PVT1: variants seen among roughly 807,000 people sequenced by gnomAD.
PVT1 encodes Pvt1 oncogene.
At chr8:128,043,318 G>A (rs770936764) in intron 4 of PVT1, among the ~76,000 whole-genome samples, 23 of 152,170 alleles carry the variant, frequency 1.5e-4, no homozygotes, top group East Asian at 5.8e-4. Flanking sequence ...AGGACTTCAC[G>A]TTGCAACTCA....
At chr8:127,892,591 A>T (rs916950283) in intron 3 of PVT1, among the ~76,000 whole-genome samples, 2 of 152,174 alleles carry the variant, frequency 1.3e-5, no homozygotes, top group African/African-American at 4.8e-5. Flanking sequence ...AAGGTTATTT[A>T]TCCAGGAGAA....
intron 3 of PVT1, among the ~76,000 whole-genome samples, chr8:127,943,226 G>A (rs559883670): frequency 1.0e-3 from 152 of 152,212 alleles, no homozygotes; most frequent in African/African-American, 3.3e-3. Context: ...GTAGCCTCCC[G>A]GTAATCTTAA....
intron 3 of PVT1, among the ~76,000 whole-genome samples, chr8:127,977,464 G>A (rs991611618): frequency 6.6e-6 from 1 of 152,188 alleles, no homozygotes; most frequent in Non-Finnish European, 1.5e-5. Flanking sequence ...GGGCATGGTG[G>A]TTCACACCTG....
intron 4 of PVT1, chr8:128,048,320 C>T (rs1173037786): frequency 6.6e-6 from 1 of 152,264 alleles, no homozygotes; most frequent in Non-Finnish European, 1.5e-5. Context: ...CTACCTGCTA[C>T]TCCTTGAGCA....
chr8:127,905,586 C>T (rs2129833405), intron 3 of PVT1, among the ~76,000 whole-genome samples: 1 of 152,294 alleles, frequency 6.6e-6, no homozygotes, highest in African/African-American at 2.4e-5. Flanking sequence ...GTTTGTTGAG[C>T]ACCTACTATG....
intron 3 of PVT1, among the ~76,000 whole-genome samples, chr8:127,904,647 G>T (rs926205508): frequency 6.6e-6 from 1 of 152,224 alleles, no homozygotes; most frequent in South Asian, 2.1e-4. Context: ...CACTCATGAA[G>T]TGTTGAGTGT....
At chr8:127,949,803 GC>G (rs1816481982) in intron 3 of PVT1, among the ~76,000 whole-genome samples, 2 of 152,194 alleles carry the variant, frequency 1.3e-5, no homozygotes, top group Admixed American at 1.3e-4. Flanking sequence ...GGACAGGGAG[GC>G]CCAGTGCCGG....
At chr8:128,062,597 A>G (rs542938375) in intron 4 of PVT1, among the ~76,000 whole-genome samples, 1 of 152,350 alleles carries the variant, frequency 6.6e-6, no homozygotes, top group Non-Finnish European at 1.5e-5. Flanking sequence ...AATTTCTAAA[A>G]TAGTATCATG....
chr8:127,990,528 G>A (rs1817020618), intron 4 of PVT1, among the ~76,000 whole-genome samples: 1 of 152,170 alleles, frequency 6.6e-6, no homozygotes, highest in African/African-American at 2.4e-5. Flanking sequence ...TAAATGACAT[G>A]ATGAAAAGGA....
At chr8:127,807,076 C>T (rs1374218778) in intron 2 of PVT1, among the ~76,000 whole-genome samples, 1 of 152,138 alleles carries the variant, frequency 6.6e-6, no homozygotes, top group Non-Finnish European at 1.5e-5. Context: ...TGTGTGAGGT[C>T]ACTTTAGAGA....
intron 2 of PVT1, among the ~76,000 whole-genome samples, chr8:127,835,861 C>T (rs574883238): frequency 2.6e-5 from 4 of 152,242 alleles, no homozygotes; most frequent in Non-Finnish European, 4.4e-5. Flanking sequence ...TTAGTATTCA[C>T]GGAGTTATTT....
intron 2 of PVT1, among the ~76,000 whole-genome samples, chr8:127,832,672 C>A (rs553605022): frequency 6.6e-6 from 1 of 152,140 alleles, no homozygotes; most frequent in East Asian, 1.9e-4. Context: ...TCCTGGCTAA[C>A]ATGGTGAAAC....
rs968696393 is a variant in PVT1 at position 127,870,815 on chromosome 8, C to T, written n.373-19774C>T. On this transcript the variant is annotated intron_variant and non_coding_transcript_variant, in intron 2 of 10. Coordinates refer to ENST00000651587, the Ensembl canonical transcript of PVT1. ...TCTGGGTCAAGGCAATGATTAAATG[C>T]GATGATGCATGTAAAGCCCCAGCAT... Among the ~76,000 whole-genome samples the T allele has an allele frequency of 2.6e-5, 4 of 152,270 alleles. No homozygotes were observed. The East Asian group carries it at 7.7e-4, about 29-fold the overall frequency.
At chr8:128,030,727 G>A (rs1286384187) in intron 4 of PVT1, among the ~76,000 whole-genome samples, 1 of 152,204 alleles carries the variant, frequency 6.6e-6, no homozygotes, top group Non-Finnish European at 1.5e-5. Context: ...TAGTTACTGA[G>A]TGAATAGACA....
chr8:127,997,465 A>G (rs1361703527), intron 4 of PVT1, among the ~76,000 whole-genome samples: 2 of 152,150 alleles, frequency 1.3e-5, no homozygotes, highest in Non-Finnish European at 2.9e-5. Flanking sequence ...GGCTGATAAC[A>G]TTGTTCAGAG....
intron 2 of PVT1, among the ~76,000 whole-genome samples, chr8:127,839,906 C>T (rs1310590878): frequency 6.6e-6 from 1 of 152,224 alleles, no homozygotes. Context: ...TGAACTCTCC[C>T]TTCTTCTGCC....
chr8:127,985,920 C>T (rs1323586532), intron 3 of PVT1, among the ~76,000 whole-genome samples: 2 of 152,206 alleles, frequency 1.3e-5, no homozygotes, highest in African/African-American at 2.4e-5. Context: ...CCTACCCTAG[C>T]CCTTGGTGGC....
chr8:127,900,359 G>C (rs1164374812), intron 3 of PVT1, among the ~76,000 whole-genome samples: 1 of 150,520 alleles, frequency 6.6e-6, no homozygotes, highest in African/African-American at 2.5e-5. Context: ...TGTCTTTAAA[G>C]AAATTTAAAA....
intron 3 of PVT1, among the ~76,000 whole-genome samples, chr8:127,988,916 G>A (rs910655563): frequency 2.3e-4 from 35 of 152,194 alleles, no homozygotes; most frequent in African/African-American, 8.0e-4. Context: ...GACTGCCTGT[G>A]TGACTTCAGA....
Sources: allele counts gnomAD v4.1 joint callset (sites outside exome capture counted in the v4.1 genomes callset), GRCh38; gene constraint gnomAD v4.1.1; transcripts MANE v1.5; gene names NCBI Gene and HGNC (gene_info 2026-07-23, HGNC 2026-07-21).